The following GSTCD variants were observed in gnomAD, a reference collection of about 807,000 sequenced individuals.
GSTCD encodes the protein glutathione S-transferase C-terminal domain-containing protein.
GSTCD carries 44 observed loss-of-function variants against 68.3 expected under a neutral mutation model. The observed-to-expected ratio is 0.64, with a 90% confidence interval of 0.51 to 0.83. The LOEUF (loss-of-function observed/expected upper bound fraction) is 0.83. GSTCD is among the 40% of genes least tolerant of loss of function. The probability of loss-of-function intolerance (pLI) is 0.00; values close to 1 mark genes in which losing one functional copy is unlikely to be tolerated. For missense variants in GSTCD, 739 were observed against 735.9 expected (o/e 1.00, Z -0.05); for synonymous variants, 273 against 255.2 (o/e 1.07, Z -0.67).
chr4:105,722,499 A>G (rs1732889505), intron 3 of GSTCD, among the ~76,000 whole-genome samples: 1 of 152,014 alleles, frequency 6.6e-6, no homozygotes, highest in South Asian at 2.1e-4. Flanking sequence ...CTCTGCTTAC[A>G]CTGCTCACCT....
chr4:105,738,836 G>T (rs1578424202), intron 5 of GSTCD, among the ~76,000 whole-genome samples: 1 of 152,248 alleles, frequency 6.6e-6, no homozygotes, highest in Non-Finnish European at 1.5e-5. Context: ...TATTTCTCTT[G>T]CCTAATTGCT....
At chr4:105,739,520 C>G (rs1349265297) in intron 5 of GSTCD, among the ~76,000 whole-genome samples, 1 of 152,156 alleles carries the variant, frequency 6.6e-6, no homozygotes. Flanking sequence ...CTTTTTATTA[C>G]TAATTCCATC....
At chr4:105,835,277 G>C (rs1724067929) in intron 9 of GSTCD, among the ~76,000 whole-genome samples, 1 of 152,176 alleles carries the variant, frequency 6.6e-6, no homozygotes, top group Non-Finnish European at 1.5e-5. Flanking sequence ...CAGCCTGGCA[G>C]GCTGCTTTTG....
chr4:105,716,695 C>T (rs73839007), intron 1 of GSTCD, among the ~76,000 whole-genome samples: 10,158 of 152,220 alleles, frequency 0.067, 345 homozygotes, highest in Middle Eastern at 0.11. Flanking sequence ...CCACCAACCT[C>T]CCATGGAAAA....
At chr4:105,735,477 G>A (rs1283524456) in intron 5 of GSTCD, among the ~76,000 whole-genome samples, 1 of 152,222 alleles carries the variant, frequency 6.6e-6, no homozygotes, top group Non-Finnish European at 1.5e-5. Flanking sequence ...TCTGAGCCAG[G>A]CACGGGATAT....
intron 3 of GSTCD, among the ~76,000 whole-genome samples, chr4:105,724,699 C>A (rs1732974241): frequency 6.6e-6 from 1 of 151,866 alleles, no homozygotes; most frequent in Non-Finnish European, 1.5e-5. Context: ...CAGTGAGCTA[C>A]AAAATTTCTA....
chr4:105,734,341 G>A (rs1022422492), intron 5 of GSTCD, among the ~76,000 whole-genome samples: 1 of 152,050 alleles, frequency 6.6e-6, no homozygotes, highest in African/African-American at 2.4e-5. Flanking sequence ...CCATGGATTT[G>A]GTCTTTTCAC....
At chr4:105,839,033 T>G (rs1206874462) in intron 10 of GSTCD, among the ~76,000 whole-genome samples, 1 of 152,168 alleles carries the variant, frequency 6.6e-6, no homozygotes, top group African/African-American at 2.4e-5. Context: ...TCCTGCTTTA[T>G]AACTCAAATG....
At chr4:105,740,401 G>A (rs1733594941) in intron 5 of GSTCD, among the ~76,000 whole-genome samples, 1 of 152,056 alleles carries the variant, frequency 6.6e-6, no homozygotes, top group South Asian at 2.1e-4. Flanking sequence ...GGCGGGTGGA[G>A]ACCAGGTGTT....
At chr4:105,740,369 A>G (rs866329335) in intron 5 of GSTCD, among the ~76,000 whole-genome samples, 58 of 151,920 alleles carry the variant, frequency 3.8e-4, no homozygotes, top group African/African-American at 1.4e-3. Context: ...CCTAATTCCC[A>G]TCTGATCCCT....
intron 5 of GSTCD, among the ~76,000 whole-genome samples, chr4:105,760,706 A>G (rs1181016146): frequency 6.6e-6 from 1 of 152,204 alleles, no homozygotes; most frequent in Non-Finnish European, 1.5e-5. Context: ...CATAAATGAA[A>G]ATGGACTAGA....
chr4:105,839,135 A>G (rs28464982), intron 10 of GSTCD, among the ~76,000 whole-genome samples: 1,932 of 152,268 alleles, frequency 0.013, 51 homozygotes, highest in African/African-American at 0.044. Context: ...ATATGCACAG[A>G]TATGGAAAGG....
At chr4:105,802,311 A>G (rs1194562516) in intron 5 of GSTCD, among the ~76,000 whole-genome samples, 2 of 152,134 alleles carry the variant, frequency 1.3e-5, no homozygotes, top group African/African-American at 2.4e-5. Context: ...ATTATGTGGC[A>G]TATAATACTG....
intron 5 of GSTCD, among the ~76,000 whole-genome samples, chr4:105,781,448 C>T (rs530965206): frequency 6.6e-6 from 1 of 150,886 alleles, no homozygotes; most frequent in Admixed American, 6.6e-5. Context: ...AGAGATGGAG[C>T]CTTTTGCTTT....
intron 5 of GSTCD, among the ~76,000 whole-genome samples, chr4:105,734,916 C>G (rs1371605000): frequency 6.6e-6 from 1 of 152,196 alleles, no homozygotes; most frequent in African/African-American, 2.4e-5. Context: ...CCCTCAGCTG[C>G]AGATCTGTTG....
At chr4:105,740,479 G>A (rs887400013) in intron 5 of GSTCD, among the ~76,000 whole-genome samples, 1 of 152,038 alleles carries the variant, frequency 6.6e-6, no homozygotes, top group Non-Finnish European at 1.5e-5. Context: ...CTTCTTTGAT[G>A]TACTCCAGCG....
chr4:105,711,368 C>A (rs1732530983), intron 1 of GSTCD, among the ~76,000 whole-genome samples: 1 of 152,200 alleles, frequency 6.6e-6, no homozygotes, highest in South Asian at 2.1e-4. Context: ...TTTACCATTT[C>A]ATGATTCCCT....
At chr4:105,732,954 A>G (rs951776175) in intron 5 of GSTCD, among the ~76,000 whole-genome samples, 6 of 152,192 alleles carry the variant, frequency 3.9e-5, no homozygotes, top group Non-Finnish European at 7.3e-5. Context: ...TGTACCCAGT[A>G]GTCATTCAGG....
intron 5 of GSTCD, among the ~76,000 whole-genome samples, chr4:105,736,189 T>C (rs2149217043): frequency 6.6e-6 from 1 of 152,264 alleles, no homozygotes; most frequent in South Asian, 2.1e-4. Context: ...TTGTTATTTC[T>C]AATACTTAAT....
Sources: gnomAD v4.1 joint callset for allele counts (sites outside exome capture counted in the v4.1 genomes callset) on GRCh38, gnomAD v4.1.1 for gene constraint, MANE v1.5 for transcripts, NCBI Gene and HGNC (gene_info 2026-07-23, HGNC 2026-07-21) for gene names.